The following C2CD2 variants were observed in gnomAD, a reference collection of about 807,000 sequenced individuals.
C2CD2 encodes the protein C2 calcium dependent domain containing 2, also known as C2 domain-containing protein 2.
A neutral mutation model predicts 74.3 loss-of-function variants in C2CD2; 43 were observed. That is an observed-to-expected ratio of 0.58 (90% CI 0.45 to 0.75). The LOEUF (loss-of-function observed/expected upper bound fraction) is 0.75. C2CD2 is among the 30% of genes least tolerant of loss of function. The pLI, the probability that C2CD2 is intolerant of heterozygous loss-of-function variation, is 0.00. For missense variants in C2CD2, 801 were observed against 916.3 expected (o/e 0.87, Z 1.63); for synonymous variants, 422 against 390.7 (o/e 1.08, Z -0.94).
intron 1 of C2CD2, among the ~76,000 whole-genome samples, chr21:41,952,599 C>CA (rs2065458919): frequency 6.6e-6 from 1 of 152,220 alleles, no homozygotes; most frequent in Non-Finnish European, 1.5e-5. Flanking sequence ...GTCTTAAAAG[C>CA]AAAAATAAGT....
intron 7 of C2CD2, among the ~76,000 whole-genome samples, chr21:41,910,888 T>C (rs1247906599): frequency 6.6e-6 from 1 of 152,232 alleles, no homozygotes; most frequent in South Asian, 2.1e-4. Context: ...TTTTCTTGCA[T>C]AGTCCTGATA....
chr21:41,904,521 C>G (rs1439043526), intron 11 of C2CD2, among the ~76,000 whole-genome samples: 1 of 152,176 alleles, frequency 6.6e-6, no homozygotes, highest in Non-Finnish European at 1.5e-5. Context: ...TGCACCAGAT[C>G]CAAGAACCCT....
chr21:41,909,500 T>A lies in C2CD2; in HGVS notation c.977A>T (p.Glu326Val). ...AGCCTCTGAAATCTGCAGGTGTAAC[T>A]CCTTCGACTTGGCATTCAACTCGCT... ...FTFELNAKSKELHLQISEAGR... is the reference protein window; with the variant it reads ...FTFELNAKSKVLHLQISEAGR... The change falls in exon 8 of 14, where the codon GAG (glutamate) becomes GTG (valine). Residue 326 changes from glutamate to valine, a missense_variant. Coordinates refer to ENST00000380486, the MANE Select transcript of C2CD2 (RefSeq NM_015500.2). The A allele has an allele frequency of 6.2e-7, 1 of 1,613,566 alleles. No homozygotes were observed. The highest frequency in any genetic ancestry group is 8.5e-7 in the Non-Finnish European group (1 of 1,179,490).
chr21:41,913,929 C>T (rs2065057179), intron 6 of C2CD2, among the ~76,000 whole-genome samples: 1 of 152,208 alleles, frequency 6.6e-6, no homozygotes, highest in African/African-American at 2.4e-5. Flanking sequence ...TGATGCCCAT[C>T]AACTCCCTAC....
chr21:41,899,449 T>G lies in C2CD2; in HGVS notation c.1561-87A>C. The G allele has an allele frequency of 8.1e-7, 1 of 1,235,662 alleles. No homozygotes were observed. The highest frequency in any genetic ancestry group is 1.1e-6 in the Non-Finnish European group (1 of 884,984). 76.5% of individuals were successfully genotyped at this position (1,235,662 alleles called of 1,614,324 possible). On this transcript the variant is annotated intron_variant, in intron 12 of 13. Transcript: ENST00000380486. This position sits in a 1 kb window ranked among gnomAD's most constrained non-coding sequence, Gnocchi z 4.4. ...AACTGAAAAGCACTCTCCAAAACATTCTGACAGCTGATTTCAAAGTCTCAG... is the reference window on the plus strand; with the variant it reads ...AACTGAAAAGCACTCTCCAAAACATGCTGACAGCTGATTTCAAAGTCTCAG...
chr21:41,914,990 G>T (rs1193496289), intron 5 of C2CD2, among the ~76,000 whole-genome samples: 1 of 152,204 alleles, frequency 6.6e-6, no homozygotes, highest in East Asian at 1.9e-4. Flanking sequence ...TTCATCCACA[G>T]ACAGGGTTCC....
In C2CD2 at chr21:41,892,840, T is replaced by A. The variant is rs372242960; in HGVS notation, c.1871-3496A>T. Among the ~76,000 whole-genome samples the A allele has an allele frequency of 7.9e-5, 12 of 152,370 alleles. 1 individual carries two copies. Among genetic ancestry groups the A allele is most frequent in the South Asian group, 4.1e-4 (2 of 4,830 alleles). On this transcript the variant is annotated intron_variant, in intron 13 of 13. Transcript: ENST00000380486. The surrounding 1 kb of genome is among the most constrained non-coding windows in gnomAD (Gnocchi z 4.6). ...CTGCTCTCCTGCATGTCGCTGCTCA[T>A]GCTCCTTCGCACTTCACTCTGGGGG...
rs767671691 is a variant in C2CD2 at position 41,923,244 on chromosome 21, C to A, written c.379-1159G>T. On this transcript the variant is annotated intron_variant, in intron 2 of 13. Transcript: ENST00000380486. This position sits in a 1 kb window ranked among gnomAD's most constrained non-coding sequence, Gnocchi z 5.8. ...TCCTCACCTCGTGATCCGCCCACCT[C>A]GGCCTTCCAAAGTGCTAGGATTACA... 6.6e-6 allele frequency among the ~76,000 whole-genome samples: 1 copy of A among 152,112 alleles called. No individual in the cohort carries two copies. The highest frequency in any genetic ancestry group is 2.1e-4 in the South Asian group (1 of 4,834).
At chr21:41,915,338 C>G (rs1319576892) in intron 5 of C2CD2, among the ~76,000 whole-genome samples, 1 of 152,224 alleles carries the variant, frequency 6.6e-6, no homozygotes, top group Non-Finnish European at 1.5e-5. Flanking sequence ...CCAACAGACA[C>G]CAGGGCGTTT....
intron 5 of C2CD2, among the ~76,000 whole-genome samples, chr21:41,915,667 C>A (rs2065081740): frequency 6.6e-6 from 1 of 152,112 alleles, no homozygotes; most frequent in Admixed American, 6.5e-5. Context: ...CTCGAAATCT[C>A]CACTTCAGGT....
chr21:41,920,918 G>A (rs2065147910), intron 3 of C2CD2, among the ~76,000 whole-genome samples: 1 of 152,186 alleles, frequency 6.6e-6, no homozygotes, highest in South Asian at 2.1e-4. Context: ...GACTTTGCAG[G>A]TTATTTTCTC....
In C2CD2 at chr21:41,895,134, C is replaced by G. The variant is rs1467635744; in HGVS notation, c.1870+3919G>C. 2.8e-6 allele frequency: 1 copy of G among 355,178 alleles called. No homozygotes were observed. The highest frequency in any genetic ancestry group is 5.6e-6 in the Non-Finnish European group (1 of 178,418). The allele number at this position is 355,178 out of a possible 1,614,324, so 22.0% of individuals were successfully genotyped here. On this transcript the variant is annotated intron_variant, in intron 13 of 13. Transcript: ENST00000380486. This position sits in a 1 kb window ranked among gnomAD's most constrained non-coding sequence, Gnocchi z 5.0. ...TAGGCCTCATCCAATCAGCTGAAGG[C>G]CCTAAGAGCAAACACTGGTTTTCCA...
At chr21:41,947,110 T>TCTCTCTCTCTCTCTC (rs1555906746) in intron 1 of C2CD2, among the ~76,000 whole-genome samples, 1 of 11,368 alleles carries the variant, frequency 8.8e-5, no homozygotes, top group African/African-American at 3.4e-4. Flanking sequence ...TTCCTTTCTC[T>TCTCTCTCTCTCTCTC]TTTCTCTCTC....
intron 3 of C2CD2, among the ~76,000 whole-genome samples, chr21:41,920,309 T>A (rs994247558): frequency 1.3e-5 from 2 of 152,214 alleles, no homozygotes; most frequent in Non-Finnish European, 2.9e-5. Context: ...AAAGCTAATA[T>A]TGCATCCTTT....
intron 1 of C2CD2, among the ~76,000 whole-genome samples, chr21:41,949,089 C>T (rs1221810398): frequency 9.2e-5 from 14 of 151,920 alleles, no homozygotes; most frequent in Admixed American, 8.5e-4. Context: ...GGCCTCGCTT[C>T]GGGACAGGTG....
intron 2 of C2CD2, among the ~76,000 whole-genome samples, chr21:41,937,170 T>C (rs1221227696): frequency 1.3e-5 from 2 of 151,264 alleles, no homozygotes; most frequent in African/African-American, 2.4e-5. Flanking sequence ...CAGGCTAGAG[T>C]GCAGTGGCTT....
At chr21:41,896,814 A>G (rs1424444453) in intron 13 of C2CD2, among the ~76,000 whole-genome samples, 1 of 152,048 alleles carries the variant, frequency 6.6e-6, no homozygotes. Flanking sequence ...CTTGGCACCC[A>G]TAACACAGAA....
intron 1 of C2CD2, 161 bp downstream of exon 1, chr21:41,953,209 G>A: frequency 2.3e-6 from 1 of 426,728 alleles, no homozygotes. Context: ...AAGGGGCCTC[G>A]CTCCCCCGTC....
intron 12 of C2CD2, 174 bp downstream of exon 12, chr21:41,901,447 TA>T: frequency 1.4e-6 from 1 of 710,834 alleles, no homozygotes; most frequent in East Asian, 2.7e-5. Flanking sequence ...ATAAACTGTG[TA>T]AACACAACAC....
Sources: gnomAD v4.1 joint callset for allele counts (sites outside exome capture counted in the v4.1 genomes callset) on GRCh38, gnomAD v4.1.1 for gene constraint, Gnocchi (gnomAD v3.1) non-coding constraint, MANE v1.5 for transcripts, NCBI Gene and HGNC (gene_info 2026-07-23, HGNC 2026-07-21) for gene names.